GJA8: variants seen among roughly 807,000 people sequenced by gnomAD.
GJA8 encodes the protein gap junction protein alpha 8.
A neutral mutation model predicts 15.3 loss-of-function variants in GJA8; 13 were observed. The observed-to-expected ratio is 0.85, with a 90% CI of 0.55 to 1.35. The LOEUF (loss-of-function observed/expected upper bound fraction) is 1.35. Among genes scored for constraint, GJA8 ranks in the 40% most tolerant of loss-of-function variants. The probability of loss-of-function intolerance (pLI) is 0.00; values close to 1 mark genes in which losing one functional copy is unlikely to be tolerated. For synonymous variants in GJA8, 304 were observed against 238.7 expected (o/e 1.27, Z -2.52); for missense variants, 607 against 553.3 (o/e 1.10, Z -0.97).
downstream of GJA8, among the ~76,000 whole-genome samples, chr1:147,912,744 T>C (rs997842608): frequency 6.6e-6 from 1 of 151,842 alleles, no homozygotes; most frequent in African/African-American, 2.4e-5. Flanking sequence ...GTAGTACAGC[T>C]CCCTCCAGAG....
Position 147,909,035 on chromosome 1 carries a change from G to T in GJA8, c.1080G>T (p.Glu360Asp). 1 of 1,598,112 alleles carries T rather than the reference G, an allele frequency of 6.3e-7. No homozygotes were observed. The highest frequency in any genetic ancestry group is 1.3e-5 in the African/African-American group (1 of 74,746). The change falls in exon 2 of 2, where the codon GAG (glutamate) becomes GAT (aspartate). Residue 360 changes from glutamate (E) to aspartate (D), a missense_variant. Transcript: ENST00000369235. ...KEEAERLTTE[E>D]QEKVAVPEGE... ...AAGCAGAGAGGCTGACCACGGAGGA[G>T]CAGGAGAAGGTGGCCGTGCCAGAGG... is the stretch of plus-strand genomic sequence containing the variant.
At chr1:147,909,548 A>G (rs1553243174), downstream of GJA8, among the ~76,000 whole-genome samples, 1 of 152,098 alleles carries the variant, frequency 6.6e-6, no homozygotes. Flanking sequence ...TTTCATCCCC[A>G]TTTCTCCATA....
At chr1:147,905,696 T>C (rs1553242208) in intron 1 of GJA8, among the ~76,000 whole-genome samples, 1 of 152,226 alleles carries the variant, frequency 6.6e-6, no homozygotes, top group Admixed American at 6.5e-5. Context: ...GCAATGGGAA[T>C]GGCTACCACT....
At chr1:147,912,301 G>A (rs1553243575), downstream of GJA8, among the ~76,000 whole-genome samples, 2 of 152,166 alleles carry the variant, frequency 1.3e-5, no homozygotes, top group East Asian at 1.9e-4. Context: ...AACCTGCCTC[G>A]TAGTTACCTG....
intron 1 of GJA8, among the ~76,000 whole-genome samples, chr1:147,904,718 A>G (rs961164310): frequency 6.6e-6 from 1 of 152,062 alleles, no homozygotes; most frequent in Non-Finnish European, 1.5e-5. Flanking sequence ...AAACCAATAC[A>G]TTTCCCTTCG....
downstream of GJA8, among the ~76,000 whole-genome samples, chr1:147,911,078 C>T (rs1361183036): frequency 6.6e-6 from 1 of 152,210 alleles, no homozygotes; most frequent in Non-Finnish European, 1.5e-5. Context: ...CACTATGCTT[C>T]ATGGACTGCA....
chr1:147,911,874 GTCTCCT>G (rs754390442), downstream of GJA8, among the ~76,000 whole-genome samples: 1,703 of 152,278 alleles, frequency 0.011, 19 homozygotes, highest in Middle Eastern at 0.027. Flanking sequence ...AGGGCTACTG[GTCTCCT>G]TATCTCAGGT....
chr1:147,908,227 T>C lies in GJA8; in HGVS notation c.272T>C (p.Met91Thr), dbSNP rs1357881517. The change falls in exon 2 of 2, where the codon ATG (methionine) becomes ACG (threonine). Residue 91 changes from methionine (M) to threonine (T), a missense_variant. Coordinates refer to ENST00000369235, the MANE Select transcript of GJA8 (RefSeq NM_005267.5). ...ATCTTCGTCTCCACCCCGTCCCTGATGTACGTGGGGCACGCGGTGCACTAC... is the reference window on the plus strand; with the variant it reads ...ATCTTCGTCTCCACCCCGTCCCTGACGTACGTGGGGCACGCGGTGCACTAC... ...QIIFVSTPSL[M>T]YVGHAVHYVR... 1 of 1,614,106 alleles carries C rather than the reference T, an allele frequency of 6.2e-7. No individual in the cohort carries two copies. Among genetic ancestry groups the C allele is most frequent in the Non-Finnish European group, 8.5e-7 (1 of 1,180,040 alleles).
At chr1:147,909,270 G>GAAAAA, downstream of GJA8, 2 of 1,095,156 alleles carry the variant, frequency 1.8e-6, no homozygotes, top group Non-Finnish European at 1.4e-6. Flanking sequence ...TGACGCCAAA[G>GAAAAA]AAAAAAAAAA....
chr1:147,910,512 C>A (rs1242708586), downstream of GJA8, among the ~76,000 whole-genome samples: 2 of 152,188 alleles, frequency 1.3e-5, no homozygotes, highest in African/African-American at 4.8e-5. Flanking sequence ...GAATTCTGCC[C>A]TGGGTACCAT....
At chr1:147,914,310 G>C in the GJA8 span, among the ~76,000 whole-genome samples, 1 of 152,144 alleles carries the variant, frequency 6.6e-6, no homozygotes, top group Non-Finnish European at 1.5e-5. Flanking sequence ...AAGTGGTAAA[G>C]ACTCAGTTTG....
At chr1:147,909,268 A>AAC in exon 2 of GJA8, 14 of 1,472,476 alleles carry the variant, frequency 9.5e-6, no homozygotes, top group Middle Eastern at 1.7e-4. Context: ...AGTGACGCCA[A>AAC]AGAAAAAAAA....
At chr1:147,909,281 A>G, downstream of GJA8, 1 of 1,530,626 alleles carries the variant, frequency 6.5e-7, no homozygotes, top group Non-Finnish European at 9.0e-7. Flanking sequence ...AAAAAAAAAA[A>G]AACGCCCAAG....
intron 1 of GJA8, among the ~76,000 whole-genome samples, chr1:147,905,920 G>T (rs1021911188): frequency 6.6e-6 from 1 of 152,210 alleles, no homozygotes; most frequent in Non-Finnish European, 1.5e-5. Flanking sequence ...GCTGCTGCAG[G>T]ATGCCCTGCC....
In GJA8 at chr1:147,909,211, T is replaced by A. The variant is rs782752661; in HGVS notation, c.1256T>A (p.Leu419Gln). Residue 419 changes from leucine to glutamine, a missense_variant, in exon 2 of 2, where the codon CTA becomes CAA. Physicochemically the swap from Leu to Gln is moderately radical, Grantham distance 113. Coordinates refer to ENST00000369235, the MANE Select transcript of GJA8 (RefSeq NM_005267.5). ...TTDDARPLSRLSKASSRARSD... is the reference protein window; with the variant it reads ...TTDDARPLSRQSKASSRARSD... ...GATGATGCCAGACCCCTGAGCAGGCTAAGCAAAGCCAGCAGCCGAGCCAGG... is the reference window on the plus strand; with the variant it reads ...GATGATGCCAGACCCCTGAGCAGGCAAAGCAAAGCCAGCAGCCGAGCCAGG... 1 of 1,534,856 alleles carries A rather than the reference T, an allele frequency of 6.5e-7. No individual in the cohort carries two copies.
downstream of GJA8, among the ~76,000 whole-genome samples, chr1:147,913,825 G>C (rs1216541630): frequency 6.6e-6 from 1 of 152,152 alleles, no homozygotes; most frequent in Non-Finnish European, 1.5e-5. Flanking sequence ...GATGAGAAAG[G>C]TTTGCCTGGT....
chr1:147,906,739 T>C (rs1393914457), intron 1 of GJA8, among the ~76,000 whole-genome samples: 1 of 152,164 alleles, frequency 6.6e-6, no homozygotes, highest in African/African-American at 2.4e-5. Flanking sequence ...CAAAGAATTG[T>C]GTAGCTTTGA....
At chr1:147,905,485 T>C (rs1040670774) in intron 1 of GJA8, among the ~76,000 whole-genome samples, 1 of 152,252 alleles carries the variant, frequency 6.6e-6, no homozygotes, top group Non-Finnish European at 1.5e-5. Flanking sequence ...GCAAGATAGT[T>C]AAGATTCAGT....
chr1:147,909,061 G>C lies in GJA8; in HGVS notation c.1106G>C (p.Gly369Ala), dbSNP rs782688010. 3.7e-6 allele frequency: 6 copies of C among 1,604,468 alleles called. No individual in the cohort carries two copies. Among genetic ancestry groups the C allele is most frequent in the African/African-American group, 1.3e-5 (1 of 74,708 alleles). The change falls in exon 2 of 2, where the codon GGG becomes GCG. Residue 369 changes from glycine to alanine, a missense_variant. By Grantham distance (60) the Gly-to-Ala change is moderately conservative (BLOSUM62 0). Transcript: ENST00000369235. ...EEQEKVAVPE[G>A]EKVETPGVDK... ...CAGGAGAAGGTGGCCGTGCCAGAGG[G>C]GGAGAAAGTAGAGACCCCCGGAGTG...
Sources: allele counts gnomAD v4.1 joint callset (sites outside exome capture counted in the v4.1 genomes callset), GRCh38; gene constraint gnomAD v4.1.1; transcripts MANE v1.5; gene names NCBI Gene and HGNC (gene_info 2026-07-23, HGNC 2026-07-21).